The following MMP16 variants were observed in gnomAD, a reference collection of about 807,000 sequenced individuals.
The protein encoded by MMP16 is matrix metalloproteinase-16.
MMP16 carries 12 observed loss-of-function variants against 67.8 expected under a neutral mutation model. The ratio of observed to expected loss-of-function variants is 0.18; its 90% confidence interval spans 0.11 to 0.29. The LOEUF (loss-of-function observed/expected upper bound fraction) is 0.29, where lower values mean the gene tolerates loss of function less well. Ranked by LOEUF, MMP16 falls within the 10% of genes least tolerant of loss-of-function variation. The pLI, the probability that MMP16 is intolerant of heterozygous loss-of-function variation, is 1.00. For missense variants in MMP16, 475 were observed against 765.7 expected (o/e 0.62, Z 4.48); for synonymous variants, 249 against 255.9 (o/e 0.97, Z 0.26).
At chr8:88,116,014 C>T (rs1809421781) in intron 6 of MMP16, among the ~76,000 whole-genome samples, 2 of 152,006 alleles carry the variant, frequency 1.3e-5, no homozygotes, top group Non-Finnish European at 2.9e-5. Flanking sequence ...ATGATAGCTT[C>T]ATAGAGGAGA....
Position 88,033,470 on chromosome 8 carries a change from A to G in MMP16, c.*7991T>C, listed in dbSNP as rs1007905705. On this transcript the variant is annotated 3_prime_UTR_variant, in exon 10 of 10. Coordinates refer to ENST00000286614, the MANE Select transcript of MMP16 (RefSeq NM_005941.5). ...TTAAAGATAGGTTACTATACTGATG[A>G]AGCAGGCAAGTTTCTCAAGGTCAAT... The G allele has an allele frequency of 4.6e-4, 70 of 151,872 alleles. No homozygotes were observed. The highest frequency in any genetic ancestry group is 1.6e-3 in the African/African-American group (66 of 41,414). 9.4% of individuals were successfully genotyped at this position (151,872 alleles called of 1,614,324 possible). A position where few individuals can be genotyped will look rare whatever the true frequency, so the allele number is the denominator to read the frequency against.
At chr8:88,119,938 A>G (rs1209650967) in intron 4 of MMP16, among the ~76,000 whole-genome samples, 2 of 152,062 alleles carry the variant, frequency 1.3e-5, no homozygotes, top group African/African-American at 4.8e-5. Context: ...ATAATGTACT[A>G]TAAGAATTGC....
At chr8:88,181,174 A>C (rs1808974305) in intron 3 of MMP16, among the ~76,000 whole-genome samples, 1 of 152,120 alleles carries the variant, frequency 6.6e-6, no homozygotes, top group Non-Finnish European at 1.5e-5. Context: ...CATCCTGGAA[A>C]CATTAGCTAA....
At chr8:88,206,449 G>T (rs1255517925) in intron 1 of MMP16, among the ~76,000 whole-genome samples, 2 of 152,090 alleles carry the variant, frequency 1.3e-5, no homozygotes, top group Non-Finnish European at 1.5e-5. Context: ...ACATCCCAGA[G>T]ATGTGCCTGT....
intron 1 of MMP16, among the ~76,000 whole-genome samples, chr8:88,292,080 T>C (rs1369810060): frequency 1.3e-5 from 2 of 152,180 alleles, no homozygotes; most frequent in Admixed American, 6.5e-5. Flanking sequence ...CATTGCACAA[T>C]AGATGCTGCT....
At chr8:88,197,010 G>A in intron 2 of MMP16, 148 bp downstream of exon 2, 1 of 684,540 alleles carries the variant, frequency 1.5e-6, no homozygotes, top group Non-Finnish European at 2.3e-6. Flanking sequence ...TATTGGAGGA[G>A]TGGGGTTAAA....
rs1409093181 is a variant in MMP16 at position 88,327,416 on chromosome 8, C to T, written c.-210G>A. 1 of 545,114 alleles carries T rather than the reference C, an allele frequency of 1.8e-6. No homozygotes were observed. The highest frequency in any genetic ancestry group is 1.9e-5 in the South Asian group (1 of 51,826). 33.8% of individuals were successfully genotyped at this position (545,114 alleles called of 1,614,324 possible). A position where few individuals can be genotyped will look rare whatever the true frequency, so the allele number is the denominator to read the frequency against. On this transcript the variant is annotated 5_prime_UTR_variant, in exon 1 of 10. Coordinates refer to ENST00000286614, the MANE Select transcript of MMP16 (RefSeq NM_005941.5). ...GGCGAAGACAGGGTCAGCAGTAGTT[C>T]CTGTTCACCATCCTCCGGGGTCAGT...
intron 2 of MMP16, 150 bp from the exon 3 acceptor site, chr8:88,186,748 T>C: frequency 9.3e-7 from 1 of 1,069,784 alleles, no homozygotes; most frequent in Non-Finnish European, 1.3e-6. Context: ...GGGAACACTG[T>C]GAATTTTCTT....
chr8:88,112,491 T>A (rs1809353485), intron 6 of MMP16, among the ~76,000 whole-genome samples: 1 of 151,670 alleles, frequency 6.6e-6, no homozygotes, highest in South Asian at 2.1e-4. Flanking sequence ...CTTCAAGGAG[T>A]AGTATTAAAA....
intron 1 of MMP16, among the ~76,000 whole-genome samples, chr8:88,209,532 T>C (rs185340658): frequency 1.3e-5 from 2 of 152,272 alleles, no homozygotes; most frequent in Admixed American, 6.5e-5. Context: ...AAATGTTATA[T>C]GCCAATTTTT....
intron 1 of MMP16, among the ~76,000 whole-genome samples, chr8:88,291,977 C>T (rs1810931919): frequency 6.6e-6 from 1 of 152,070 alleles, no homozygotes; most frequent in South Asian, 2.1e-4. Context: ...CACAGACATG[C>T]TAAATAATTT....
intron 1 of MMP16, among the ~76,000 whole-genome samples, chr8:88,252,328 G>T (rs1586227646): frequency 1.3e-5 from 2 of 152,058 alleles, no homozygotes; most frequent in African/African-American, 4.8e-5. Flanking sequence ...CACATATGCT[G>T]GTTCTAGCTC....
At chr8:88,071,220 GTTATGT>G (rs1808548144) in intron 7 of MMP16, among the ~76,000 whole-genome samples, 2 of 151,960 alleles carry the variant, frequency 1.3e-5, no homozygotes, top group Admixed American at 6.6e-5. Flanking sequence ...AATAGGACAT[GTTATGT>G]TTATGTTTAT....
At chr8:88,176,557 AG>A (rs2129726334) in intron 3 of MMP16, among the ~76,000 whole-genome samples, 1 of 152,344 alleles carries the variant, frequency 6.6e-6, no homozygotes, top group East Asian at 1.9e-4. Flanking sequence ...TATACATTTT[AG>A]TTCCATTACT....
intron 9 of MMP16, among the ~76,000 whole-genome samples, chr8:88,045,814 T>C (rs1362006645): frequency 6.6e-6 from 1 of 152,210 alleles, no homozygotes; most frequent in Non-Finnish European, 1.5e-5. Flanking sequence ...TTTGCTTATG[T>C]TGAGCATATG....
At chr8:88,211,637 C>G (rs1348058704) in intron 1 of MMP16, among the ~76,000 whole-genome samples, 1 of 152,096 alleles carries the variant, frequency 6.6e-6, no homozygotes, top group East Asian at 1.9e-4. Flanking sequence ...CCTCTGCCTC[C>G]TTTTCATCTT....
intron 1 of MMP16, among the ~76,000 whole-genome samples, chr8:88,226,910 ATTC>A (rs1464786739): frequency 7.7e-6 from 1 of 129,634 alleles, no homozygotes; most frequent in Non-Finnish European, 1.7e-5. Context: ...TTATTTATTT[ATTC>A]TCTCGGAAAT....
chr8:88,049,791 A>C (rs1808246496), intron 8 of MMP16, among the ~76,000 whole-genome samples: 1 of 152,312 alleles, frequency 6.6e-6, no homozygotes, highest in African/African-American at 2.4e-5. Flanking sequence ...TGGGAGGCCA[A>C]GATGGATGGA....
chr8:88,189,853 A>G (rs1809138401), intron 2 of MMP16, among the ~76,000 whole-genome samples: 1 of 152,184 alleles, frequency 6.6e-6, no homozygotes, highest in African/African-American at 2.4e-5. Flanking sequence ...CCTGATTTGT[A>G]TGTGTCTGTC....
Sources: allele counts gnomAD v4.1 joint callset (sites outside exome capture counted in the v4.1 genomes callset), GRCh38; gene constraint gnomAD v4.1.1; transcripts MANE v1.5; gene names NCBI Gene and HGNC (gene_info 2026-07-23, HGNC 2026-07-21).